The following ADAM2 variants were observed in gnomAD, a reference collection of about 807,000 sequenced individuals.
ADAM2 encodes disintegrin and metalloproteinase domain-containing protein 2.
ADAM2 carries 101 observed loss-of-function variants against 99.3 expected under a neutral mutation model. The observed-to-expected ratio is 1.02, with a 90% CI of 0.87 to 1.20. The LOEUF is 1.20. Ranked by LOEUF, ADAM2 falls within the 50% of genes most tolerant of loss-of-function variation. The probability of loss-of-function intolerance (pLI) is 0.00; values close to 1 mark genes in which losing one functional copy is unlikely to be tolerated. For missense variants in ADAM2, 948 were observed against 878.7 expected, an observed-to-expected ratio of 1.08 and a Z score of -1.00; for synonymous variants, 323 against 287.6, an observed-to-expected ratio of 1.12 and a Z score of -1.25.
intron 15 of ADAM2, among the ~76,000 whole-genome samples, chr8:39,760,259 C>T (rs961181626): frequency 2.0e-5 from 3 of 152,118 alleles, no homozygotes; most frequent in Non-Finnish European, 4.4e-5. Context: ...AAGTGTTTTT[C>T]ATACAGCGTC....
At chr8:39,749,850 G>GTAT (rs1823650941) in intron 16 of ADAM2, 106 bp from the exon 17 acceptor site, 1 of 764,770 alleles carries the variant, frequency 1.3e-6, no homozygotes, top group Admixed American at 2.6e-5. Context: ...AATAAAAAGG[G>GTAT]TATTGATTTA....
At chr8:39,754,678 A>T (rs560155674) in intron 16 of ADAM2, among the ~76,000 whole-genome samples, 1 of 152,356 alleles carries the variant, frequency 6.6e-6, no homozygotes, top group East Asian at 1.9e-4. Context: ...TAGTAAAGTT[A>T]GCATAGTTTT....
chr8:39,804,735 A>C (rs1206693197), intron 7 of ADAM2, among the ~76,000 whole-genome samples: 1 of 152,230 alleles, frequency 6.6e-6, no homozygotes, highest in African/African-American at 2.4e-5. Context: ...AAAATGCTAA[A>C]CACTTCAGTA....
At chr8:39,763,666 G>A (rs1487432575) in intron 14 of ADAM2, among the ~76,000 whole-genome samples, 4 of 152,166 alleles carry the variant, frequency 2.6e-5, no homozygotes, top group South Asian at 2.1e-4. Flanking sequence ...AATGCCAACC[G>A]ACGCTCTTAT....
intron 14 of ADAM2, among the ~76,000 whole-genome samples, chr8:39,762,685 T>TAAAA (rs1166610732): frequency 2.0e-5 from 3 of 152,180 alleles, no homozygotes; most frequent in Non-Finnish European, 4.4e-5. Context: ...CAGGCTTCCC[T>TAAAA]GAAAAAGAAA....
At chr8:39,817,142 A>T (rs1307516706) in intron 6 of ADAM2, among the ~76,000 whole-genome samples, 1 of 152,188 alleles carries the variant, frequency 6.6e-6, no homozygotes, top group Admixed American at 6.5e-5. Context: ...AAATAAATAG[A>T]TTAGATATAA....
At chr8:39,755,655 G>A in intron 16 of ADAM2, 73 bp downstream of exon 16, 1 of 1,148,322 alleles carries the variant, frequency 8.7e-7, no homozygotes, top group Non-Finnish European at 1.3e-6. Flanking sequence ...GCCAGGGCAA[G>A]AGTGACACTC....
intron 11 of ADAM2, among the ~76,000 whole-genome samples, chr8:39,776,028 A>G (rs1802975516): frequency 6.6e-6 from 1 of 152,122 alleles, no homozygotes; most frequent in South Asian, 2.1e-4. Context: ...GAGATTCCAC[A>G]TGTATGTAAT....
chr8:39,766,885 C>G lies in ADAM2; in HGVS notation c.1470G>C (p.Met490Ile). 1 of 1,611,460 alleles carries G rather than the reference C, an allele frequency of 6.2e-7. No individual in the cohort carries two copies. Among genetic ancestry groups the G allele is most frequent in the Non-Finnish European group, 8.5e-7 (1 of 1,178,084 alleles). Residue 490 changes from methionine to isoleucine, a missense_variant, in exon 14 of 21, where the codon ATG (methionine) becomes ATC (isoleucine). Met to Ile is a conservative substitution (Grantham distance 10). Coordinates refer to ENST00000265708, the MANE Select transcript of ADAM2 (RefSeq NM_001464.5). ...TGTCTGTACATTGTTTATCCCCACT[C>G]ATACAAACTCCATCTATACAGATCC... is the stretch of plus-strand genomic sequence containing the variant. ...NQWICIDGVC[M>I]SGDKQCTDTF... is the part of the protein sequence containing the mutation.
At chr8:39,790,236 A>G (rs955477079) in intron 7 of ADAM2, among the ~76,000 whole-genome samples, 1 of 151,962 alleles carries the variant, frequency 6.6e-6, no homozygotes, top group Non-Finnish European at 1.5e-5. Flanking sequence ...TTGTACACAA[A>G]TGTTTATAGT....
At chr8:39,762,028 G>A (rs1802389233) in intron 14 of ADAM2, among the ~76,000 whole-genome samples, 2 of 152,228 alleles carry the variant, frequency 1.3e-5, no homozygotes. Flanking sequence ...AGCCTGCAGT[G>A]AGCCGAGATC....
intron 10 of ADAM2, 62 bp downstream of exon 10, chr8:39,786,912 T>G (rs1803487100): frequency 8.1e-7 from 1 of 1,231,898 alleles, no homozygotes; most frequent in Non-Finnish European, 1.1e-6. Flanking sequence ...AAATTAAATA[T>G]GAAAATGTGT....
chr8:39,816,215 T>G (rs1804935211), intron 6 of ADAM2, among the ~76,000 whole-genome samples: 1 of 152,146 alleles, frequency 6.6e-6, no homozygotes, highest in African/African-American at 2.4e-5. Context: ...GAGAATCACT[T>G]GAACCCGGGA....
intron 6 of ADAM2, among the ~76,000 whole-genome samples, chr8:39,814,137 C>A (rs984184880): frequency 3.5e-4 from 53 of 151,904 alleles, no homozygotes; most frequent in Admixed American, 3.3e-4. Flanking sequence ...GTGGGTGGAT[C>A]ACTTGAGGCC....
At chr8:39,817,584 A>T (rs180789334) in intron 6 of ADAM2, among the ~76,000 whole-genome samples, 61 of 152,306 alleles carry the variant, frequency 4.0e-4, no homozygotes, top group African/African-American at 1.5e-3. Flanking sequence ...CAAGTATCAA[A>T]ATATCATTTG....
At chr8:39,762,743 C>A (rs1802419247) in intron 14 of ADAM2, among the ~76,000 whole-genome samples, 1 of 152,162 alleles carries the variant, frequency 6.6e-6, no homozygotes, top group Admixed American at 6.5e-5. Context: ...TTCTATTCTG[C>A]CCTTTTAATT....
chr8:39,833,142 T>C, intron 3 of ADAM2, among the ~76,000 whole-genome samples: 1 of 152,132 alleles, frequency 6.6e-6, no homozygotes, highest in African/African-American at 2.4e-5. Context: ...TATGTCAGTT[T>C]GCTCTATGTA....
chr8:39,772,530 G>A (rs112473129), intron 11 of ADAM2, among the ~76,000 whole-genome samples: 2,235 of 152,090 alleles, frequency 0.015, 62 homozygotes, highest in African/African-American at 0.051. Flanking sequence ...AAATTATACT[G>A]TGAAACATCA....
chr8:39,800,478 T>C (rs990573212), intron 7 of ADAM2, among the ~76,000 whole-genome samples: 1 of 152,264 alleles, frequency 6.6e-6, no homozygotes, highest in East Asian at 1.9e-4. Context: ...CATTTCAACC[T>C]TGGAGAATCT....
Sources: allele counts gnomAD v4.1 joint callset (sites outside exome capture counted in the v4.1 genomes callset), GRCh38; gene constraint gnomAD v4.1.1; transcripts MANE v1.5; gene names NCBI Gene and HGNC (gene_info 2026-07-23, HGNC 2026-07-21).